Variants in PPP2R2B observed in about 807,000 individuals in gnomAD.
PPP2R2B encodes the protein serine/threonine-protein phosphatase 2A 55 kDa regulatory subunit B beta isoform.
A neutral mutation model predicts 46.0 loss-of-function variants in PPP2R2B; 5 were observed. The ratio of observed to expected loss-of-function variants is 0.11; its 90% CI spans 0.06 to 0.23. The LOEUF (loss-of-function observed/expected upper bound fraction) is 0.23, where lower values mean the gene tolerates loss of function less well. Ranked by LOEUF, PPP2R2B falls within the 10% of genes least tolerant of loss-of-function variation. PPP2R2B has a pLI of 1.00. For missense variants in PPP2R2B, 367 were observed against 575.0 expected, an observed-to-expected ratio of 0.64 and a Z score of 3.70; for synonymous variants, 215 against 206.7, an observed-to-expected ratio of 1.04 and a Z score of -0.34.
chr5:146,584,817 A>G lies in PPP2R2B; in HGVS notation c.*5130T>C, dbSNP rs751611996. The G allele has an allele frequency of 1.1e-4, 16 of 152,220 alleles. No individual in the cohort carries two copies. Among genetic ancestry groups the G allele is most frequent in the Non-Finnish European group, 2.2e-4 (15 of 68,038 alleles). The allele number at this position is 152,220 out of a possible 1,614,324, so 9.4% of individuals were successfully genotyped here. On this transcript the variant is annotated 3_prime_UTR_variant, in exon 10 of 10. Coordinates refer to ENST00000394411, the MANE Select transcript of PPP2R2B (RefSeq NM_181675.4). Reference sequence around the variant, plus strand: ...CTAGTATGTCGAAAATGTGTTTCTAATGGAAGGAGAGAAACATTGGCTTTC... The same window carrying G: ...CTAGTATGTCGAAAATGTGTTTCTAGTGGAAGGAGAGAAACATTGGCTTTC...
intron 4 of PPP2R2B, among the ~76,000 whole-genome samples, chr5:146,692,501 T>C (rs182778215): frequency 3.4e-4 from 52 of 150,746 alleles, no homozygotes; most frequent in African/African-American, 1.2e-3. Flanking sequence ...TGGAATGGCG[T>C]GCCCTACATG....
intron 5 of PPP2R2B, among the ~76,000 whole-genome samples, chr5:146,667,326 G>GCA (rs1777050112): frequency 2.0e-5 from 1 of 50,648 alleles, no homozygotes; most frequent in African/African-American, 5.2e-5. Context: ...GAATAGGCGT[G>GCA]CGCGCGCACA....
chr5:146,785,304 T>C (rs531190700), intron 2 of PPP2R2B, among the ~76,000 whole-genome samples: 84 of 152,240 alleles, frequency 5.5e-4, no homozygotes, highest in African/African-American at 2.0e-3. Flanking sequence ...CCAAGCACTC[T>C]AGGAGGCCGA....
intron 2 of PPP2R2B, among the ~76,000 whole-genome samples, chr5:146,774,964 G>A (rs1421613958): frequency 6.6e-6 from 1 of 152,088 alleles, no homozygotes; most frequent in Non-Finnish European, 1.5e-5. Context: ...AAGTAGACCT[G>A]TATCAAGCAA....
At chr5:146,764,102 G>A (rs1374242138) in intron 2 of PPP2R2B, among the ~76,000 whole-genome samples, 3 of 152,024 alleles carry the variant, frequency 2.0e-5, no homozygotes, top group African/African-American at 4.8e-5. Context: ...ACAGAGAGGG[G>A]CAACCAGCTC....
intron 8 of PPP2R2B, among the ~76,000 whole-genome samples, chr5:146,599,847 G>A (rs528873519): frequency 9.8e-4 from 149 of 152,084 alleles, no homozygotes; most frequent in South Asian, 3.1e-3. Context: ...CCCTTCCTGC[G>A]TCCATGTGAA....
intron 1 of PPP2R2B, among the ~76,000 whole-genome samples, chr5:146,916,450 G>C (rs1359408344): frequency 6.6e-6 from 1 of 152,082 alleles, no homozygotes; most frequent in East Asian, 1.9e-4. Flanking sequence ...TTCTTTATCT[G>C]TCTTGGTTGC....
At chr5:146,954,281 G>T (rs548600113) in intron 1 of PPP2R2B, among the ~76,000 whole-genome samples, 21 of 152,170 alleles carry the variant, frequency 1.4e-4, no homozygotes, top group African/African-American at 5.1e-4. Flanking sequence ...CTGCTAAAAT[G>T]GAATGACTAA....
intron 5 of PPP2R2B, among the ~76,000 whole-genome samples, chr5:146,682,248 A>G (rs1455973383): frequency 6.6e-6 from 1 of 152,232 alleles, no homozygotes; most frequent in African/African-American, 2.4e-5. Flanking sequence ...AGGCAGATTC[A>G]AAGCATAATG....
chr5:147,060,300 G>A (rs1037650013), upstream of PPP2R2B, among the ~76,000 whole-genome samples: 6 of 152,180 alleles, frequency 3.9e-5, no homozygotes, highest in Non-Finnish European at 7.3e-5. Context: ...TGTGCATGGT[G>A]CCAAGGAATC....
chr5:146,784,402 G>T (rs940768585), intron 2 of PPP2R2B, among the ~76,000 whole-genome samples: 1 of 152,122 alleles, frequency 6.6e-6, no homozygotes, highest in African/African-American at 2.4e-5. Context: ...ATGTGATGAA[G>T]AAATATATTG....
intron 1 of PPP2R2B, among the ~76,000 whole-genome samples, chr5:146,905,874 G>A (rs525418): frequency 0.48 from 73,565 of 151,954 alleles, 19,638 homozygotes; most frequent in East Asian, 0.7. Context: ...GCAGGAGTCA[G>A]CTTTTGGGGA....
In PPP2R2B at chr5:146,777,009, A is replaced by G. The variant is rs147451357; in HGVS notation, c.71-75867T>C. Among the ~76,000 whole-genome samples, 230 of 152,256 alleles carry G rather than the reference A, an allele frequency of 1.5e-3. 1 individual carries two copies. The highest frequency in any genetic ancestry group is 5.1e-3 in the African/African-American group (211 of 41,562). On this transcript the variant is annotated intron_variant, in intron 2 of 9. Transcript: ENST00000394411. Reference sequence around the variant, plus strand: ...AAAAGGAAAATAAGTATTGTCAAGGATGTGGAAAAATTGGAATCCCCACAC... The same window carrying G: ...AAAAGGAAAATAAGTATTGTCAAGGGTGTGGAAAAATTGGAATCCCCACAC...
At chr5:146,821,384 T>C (rs563300581) in intron 2 of PPP2R2B, among the ~76,000 whole-genome samples, 55 of 152,328 alleles carry the variant, frequency 3.6e-4, no homozygotes, top group African/African-American at 1.3e-3. Context: ...TGATTTATCC[T>C]TGTAGATCAA....
At chr5:146,976,858 C>T (rs1283570938) in intron 1 of PPP2R2B, among the ~76,000 whole-genome samples, 1 of 152,088 alleles carries the variant, frequency 6.6e-6, no homozygotes, top group Non-Finnish European at 1.5e-5. Context: ...TACTCCTCAG[C>T]CACCCCATCA....
intron 1 of PPP2R2B, among the ~76,000 whole-genome samples, chr5:146,893,891 A>G (rs1262197460): frequency 1.3e-5 from 2 of 151,774 alleles, no homozygotes; most frequent in Non-Finnish European, 2.9e-5. Context: ...TGAAAAAAAA[A>G]AAAAAAAAGC....
intron 1 of PPP2R2B, among the ~76,000 whole-genome samples, chr5:146,924,227 A>G (rs572436650): frequency 1.3e-5 from 2 of 152,294 alleles, no homozygotes; most frequent in South Asian, 4.1e-4. Context: ...CTTAAAATAA[A>G]AGTTAAAGAA....
At chr5:146,866,076 A>G (rs1761295201) in intron 2 of PPP2R2B, among the ~76,000 whole-genome samples, 1 of 152,220 alleles carries the variant, frequency 6.6e-6, no homozygotes. Flanking sequence ...CCATGTCCAC[A>G]TACTACAATG....
intron 1 of PPP2R2B, among the ~76,000 whole-genome samples, chr5:146,886,100 A>G (rs1383645953): frequency 6.6e-6 from 1 of 152,170 alleles, no homozygotes; most frequent in Non-Finnish European, 1.5e-5. Context: ...ACACTTTGGG[A>G]GGCCGAGGCG....
Sources: gnomAD v4.1 joint callset for allele counts (sites outside exome capture counted in the v4.1 genomes callset) on GRCh38, gnomAD v4.1.1 for gene constraint, MANE v1.5 for transcripts, NCBI Gene and HGNC (gene_info 2026-07-23, HGNC 2026-07-21) for gene names.